Variants in WIPI2 observed in about 807,000 individuals in gnomAD.
The protein encoded by WIPI2 is WD repeat domain, phosphoinositide interacting 2.
Under a neutral mutation model 52.3 loss-of-function variants are expected in WIPI2, and 28 were observed. The ratio of observed to expected loss-of-function variants is 0.54; its 90% CI spans 0.40 to 0.73. The LOEUF (loss-of-function observed/expected upper bound fraction) is 0.73, where lower values mean the gene tolerates loss of function less well. Ranked by LOEUF, WIPI2 falls within the 30% of genes least tolerant of loss-of-function variation. WIPI2 has a pLI of 0.00. For synonymous variants in WIPI2, 268 were observed against 245.0 expected (o/e 1.09, Z -0.88); for missense variants, 506 against 602.9 (o/e 0.84, Z 1.68).
intron 1 of WIPI2, among the ~76,000 whole-genome samples, chr7:5,191,375 A>C (rs1282285897): frequency 1.3e-5 from 2 of 152,166 alleles, no homozygotes; most frequent in Non-Finnish European, 2.9e-5. Context: ...CAAGTAACAA[A>C]CTTAGCAATA....
At chr7:5,195,875 C>T (rs930881701) in intron 2 of WIPI2, among the ~76,000 whole-genome samples, 9 of 151,400 alleles carry the variant, frequency 5.9e-5, no homozygotes, top group African/African-American at 2.2e-4. Flanking sequence ...TCCATCTCTA[C>T]TAAAAATACA....
In WIPI2 at chr7:5,199,600, C is replaced by G. The variant is rs758161277; in HGVS notation, c.153C>G (p.Ser51=). The G allele has an allele frequency of 1.9e-6, 3 of 1,613,058 alleles. No individual in the cohort carries two copies. The highest frequency in any genetic ancestry group is 1.7e-6 in the Non-Finnish European group (2 of 1,179,898). Residue 51 remains serine (S), a synonymous_variant, in exon 3 of 13, where the codon TCC becomes TCG. Coordinates refer to ENST00000288828, the MANE Select transcript of WIPI2 (RefSeq NM_015610.4). ...VVWSLAVGSK[S]GYKFFSLSSV... ...GGTCCCTAGCTGTTGGTAGTAAGTC[C>G]GGTTATAAATTTTTCTCCCTTTCTT... is the stretch of plus-strand genomic sequence containing the variant.
Position 5,232,427 on chromosome 7 carries a change from C to A in WIPI2, c.*1480C>A. On this transcript the variant is annotated 3_prime_UTR_variant, in exon 13 of 13. Transcript: ENST00000288828. ...TCCGACTCACCTACACCGGCTTCCT[C>A]CCAGCCGCTGGTGTGCGGCACACAC... The A allele has an allele frequency of 2.5e-6, 1 of 397,524 alleles. No individual in the cohort carries two copies. The highest frequency in any genetic ancestry group is 4.4e-6 in the Non-Finnish European group (1 of 226,034). 24.6% of individuals were successfully genotyped at this position (397,524 alleles called of 1,614,324 possible).
Position 5,203,825 on chromosome 7 carries a change from G to A in WIPI2, c.211+4167G>A, listed in dbSNP as rs375925134. On this transcript the variant is annotated intron_variant, in intron 3 of 12. Transcript: ENST00000288828. ...TTTTTAGTAGAGACAGGGTTTCACC[G>A]TGTTAGCCAGGATGGTCTCGATCTC... 4.3e-3 allele frequency among the ~76,000 whole-genome samples: 645 copies of A among 151,746 alleles called. 13 individuals carry two copies. Among genetic ancestry groups the A allele is most frequent in the East Asian group, 2.7e-3 (14 of 5,108 alleles).
chr7:5,229,599 T>A lies in WIPI2; in HGVS notation c.1122-9T>A. 1 of 1,611,962 alleles carries A rather than the reference T, an allele frequency of 6.2e-7. No homozygotes were observed. Among genetic ancestry groups the A allele is most frequent in the Non-Finnish European group, 8.5e-7 (1 of 1,179,204 alleles). On this transcript the variant is annotated splice_polypyrimidine_tract_variant and intron_variant, in intron 11 of 12. Coordinates refer to ENST00000288828, the MANE Select transcript of WIPI2 (RefSeq NM_015610.4). ...GAGACGCTGAGCTGTGTCGCTTTCTTCCCTCCAGGCTGGACGGCAGTCTGG... is the reference window on the plus strand; with the variant it reads ...GAGACGCTGAGCTGTGTCGCTTTCTACCCTCCAGGCTGGACGGCAGTCTGG...
In WIPI2 at chr7:5,230,287, G is replaced by A. The variant is rs902741863; in HGVS notation, c.1253-548G>A. Among the ~76,000 whole-genome samples, 3 of 152,184 alleles carry A rather than the reference G, an allele frequency of 2.0e-5. No homozygotes were observed. Among genetic ancestry groups the A allele is most frequent in the African/African-American group, 7.2e-5 (3 of 41,444 alleles). On this transcript the variant is annotated intron_variant, in intron 12 of 12. Coordinates refer to ENST00000288828, the MANE Select transcript of WIPI2 (RefSeq NM_015610.4). The surrounding 1 kb of genome is among the most constrained non-coding windows in gnomAD (Gnocchi z 4.8). ...GCTGGGCCTGTGAAGTGCAGAAGCT[G>A]TAGGGGAATGAGGCCAATGGGCTCC...
chr7:5,226,985 C>T (rs1444885657), intron 9 of WIPI2, 195 bp from the exon 10 acceptor site: 2 of 684,044 alleles, frequency 2.9e-6, no homozygotes, highest in East Asian at 2.8e-5. Context: ...CACCCCTCCC[C>T]CGACACCTCC....
chr7:5,208,097 T>C (rs898873454), intron 3 of WIPI2, among the ~76,000 whole-genome samples: 4 of 152,190 alleles, frequency 2.6e-5, no homozygotes, highest in Admixed American at 1.3e-4. Flanking sequence ...ACTAGTTTTT[T>C]TCTTTTCAGC....
intron 2 of WIPI2, among the ~76,000 whole-genome samples, chr7:5,197,112 AAAAAAC>A (rs1377360416): frequency 0.16 from 1,712 of 10,868 alleles, 331 homozygotes; most frequent in South Asian, 0.26. Flanking sequence ...ACTCCGTCTC[AAAAAAC>A]AAAAAAAAAA....
At chr7:5,208,510 C>G (rs1031583703) in intron 3 of WIPI2, among the ~76,000 whole-genome samples, 1 of 151,602 alleles carries the variant, frequency 6.6e-6, no homozygotes, top group Non-Finnish European at 1.5e-5. Flanking sequence ...AGGTGTTTTC[C>G]TATGTGTTCT....
Position 5,233,443 on chromosome 7 carries a change from C to T in WIPI2, c.*2496C>T, listed in dbSNP as rs1134995. ...CTAATTTTCCGAACTCCAAACTGTACACTCATATTCATTTTTAAATTGTAT... is the reference window on the plus strand; with the variant it reads ...CTAATTTTCCGAACTCCAAACTGTATACTCATATTCATTTTTAAATTGTAT... On this transcript the variant is annotated 3_prime_UTR_variant, in exon 13 of 13. Transcript: ENST00000288828. 0.05 allele frequency: 7,549 copies of T among 152,420 alleles called. 264 individuals carry two copies. The highest frequency in any genetic ancestry group is 0.076 in the Non-Finnish European group (5,192 of 68,028). 9.4% of individuals were successfully genotyped at this position (152,420 alleles called of 1,614,324 possible). A position where few individuals can be genotyped will look rare whatever the true frequency, so the allele number is the denominator to read the frequency against.
intron 11 of WIPI2, among the ~76,000 whole-genome samples, chr7:5,228,992 A>G (rs1783583408): frequency 6.6e-6 from 1 of 152,086 alleles, no homozygotes; most frequent in Non-Finnish European, 1.5e-5. Context: ...TGTTGGGGTA[A>G]CAGGAGTGAG....
intron 8 of WIPI2, among the ~76,000 whole-genome samples, chr7:5,223,760 C>T (rs934208381): frequency 1.2e-4 from 19 of 152,232 alleles, no homozygotes; most frequent in African/African-American, 4.1e-4. Context: ...CCTGGCCCCT[C>T]GTCCCTCACA....
rs931999701 is a variant in WIPI2 at position 5,232,736 on chromosome 7, G to A, written c.*1789G>A. ...GGAGCCACTTTTGGCAAGAGTGAGT[G>A]TGGGGGGAAAAAGTGTGCACAAGAG... is the stretch of plus-strand genomic sequence containing the variant. On this transcript the variant is annotated 3_prime_UTR_variant, in exon 13 of 13. Transcript: ENST00000288828. 6.1e-6 allele frequency: 1 copy of A among 163,640 alleles called. No homozygotes were observed. Among genetic ancestry groups the A allele is most frequent in the East Asian group, 1.7e-4 (1 of 5,886 alleles). The allele number at this position is 163,640 out of a possible 1,614,324, so 10.1% of individuals were successfully genotyped here.
At position 5,217,982 on chromosome 7, in the gene WIPI2, A is replaced by G; in HGVS notation, c.637A>G (p.Ser213Gly). The change falls in exon 7 of 13, where the codon AGT (serine) becomes GGT (glycine). Residue 213 changes from serine (S) to glycine (G), a missense_variant. This residue lies in a region of WIPI2 where 237 missense variants were observed against 346.9 expected (regional missense o/e 0.68). Transcript: ENST00000288828. The stretch of plus-strand genomic sequence containing the variant: ...TTTAGCGGCACTGGCCTTTGACGCA[A>G]GTGGAACTAAACTTGCCACGGCTTC... The part of the protein sequence containing the change: ...SPLAALAFDA[S>G]GTKLATASEK... 1 of 1,614,252 alleles carries G rather than the reference A, an allele frequency of 6.2e-7. No individual in the cohort carries two copies.
chr7:5,200,541 C>A (rs1781970415), intron 3 of WIPI2, among the ~76,000 whole-genome samples: 1 of 135,852 alleles, frequency 7.4e-6, no homozygotes, highest in African/African-American at 2.8e-5. Flanking sequence ...TGCGTAGGTT[C>A]TGTGCAGTCT....
At chr7:5,226,903 C>T (rs1583592789) in intron 9 of WIPI2, 1 of 443,670 alleles carries the variant, frequency 2.3e-6, no homozygotes, top group East Asian at 4.1e-5. Context: ...CACACCCTTG[C>T]AAAGGGGATG....
chr7:5,190,686 G>A (rs895906501), intron 1 of WIPI2, 193 bp downstream of exon 1: 8 of 443,052 alleles, frequency 1.8e-5, no homozygotes, highest in African/African-American at 1.2e-4. Context: ...CTCGGGTGCT[G>A]GCCTGGAGCT....
rs772828819 is a variant in WIPI2, at chr7:5,216,525, G to A, written c.382-38G>A. ...GATTGGGGCAGGTATTGCACTGGCC[G>A]TTGCTTCACGTTTGGTTTCGTTTTG... On this transcript the variant is annotated intron_variant, in intron 4 of 12. Coordinates refer to ENST00000288828, the MANE Select transcript of WIPI2 (RefSeq NM_015610.4). The A allele has an allele frequency of 7.5e-5, 118 of 1,576,980 alleles. 3 individuals carry two copies. The South Asian group carries it at 7.6e-4, about 10-fold the overall frequency.
Sources: allele counts gnomAD v4.1 joint callset (sites outside exome capture counted in the v4.1 genomes callset), GRCh38; gene constraint gnomAD v4.1.1; regional missense constraint gnomAD v4.1.1; non-coding constraint Gnocchi (gnomAD v3.1); transcripts MANE v1.5; gene names NCBI Gene and HGNC (gene_info 2026-07-23, HGNC 2026-07-21).